TECPR1: variants seen among roughly 807,000 people sequenced by gnomAD.
TECPR1 encodes the protein tectonin beta-propeller repeat containing 1, also known as tectonin beta-propeller repeat-containing protein 1.
In TECPR1, 122 loss-of-function variants were observed where a neutral mutation model predicts 162.4. That is an observed-to-expected ratio of 0.75 (90% CI 0.65 to 0.87). The LOEUF is 0.87. Ranked by LOEUF, TECPR1 falls within the 40% of genes least tolerant of loss-of-function variation. TECPR1 has a pLI of 0.00. For missense variants in TECPR1, 1,432 were observed against 1,618.2 expected (o/e 0.88, Z 1.97); for synonymous variants, 642 against 670.6 (o/e 0.96, Z 0.66).
chr7:98,222,483 G>A lies in TECPR1; in HGVS notation c.2967C>T (p.Phe989=), dbSNP rs1402061811. ...AGCAGGCCCCGATGGAGATGGAGGC[G>A]AAGGGCTGGTCGGTGCCAACGTGCA... The part of the protein sequence containing the change: ...SWLHVGTDQP[F]ASISIGACYQ... The change falls in exon 22 of 26, where the codon TTC becomes TTT. Residue 989 remains phenylalanine (F), a synonymous_variant. Coordinates refer to ENST00000447648, the MANE Select transcript of TECPR1 (RefSeq NM_015395.3). 8.8e-6 allele frequency: 14 copies of A among 1,593,576 alleles called. No homozygotes were observed. The highest frequency in any genetic ancestry group is 5.7e-5 in the South Asian group (5 of 87,680).
rs200214797 is a variant in TECPR1 at position 98,230,973 on chromosome 7, G to T, written c.2270C>A (p.Pro757His). Residue 757 changes from proline to histidine, a missense_variant, in exon 15 of 26, where the codon CCC becomes CAC. Pro to His is a moderately conservative substitution (Grantham distance 77). Coordinates refer to ENST00000447648, the MANE Select transcript of TECPR1 (RefSeq NM_015395.3). Reference sequence around the variant, plus strand: ...GCGGCTCACTCACATCTGGTCGCAGGGCAGGGGGTGCTCGTGGGCCTCCAG... The same window carrying T: ...GCGGCTCACTCACATCTGGTCGCAGTGCAGGGGGTGCTCGTGGGCCTCCAG... ...PDLEAHEHPL[P>H]CDQMFWRQMG... The T allele has an allele frequency of 7.1e-5, 114 of 1,611,986 alleles. No individual in the cohort carries two copies. In the East Asian group the frequency reaches 1.0e-3, roughly 14 times the overall value.
Position 98,236,785 on chromosome 7 carries a change from C to A in TECPR1, c.1172G>T (p.Ser391Ile). 6.3e-7 allele frequency: 1 copy of A among 1,594,448 alleles called. No homozygotes were observed. Among genetic ancestry groups the A allele is most frequent in the African/African-American group, 1.4e-5 (1 of 72,748 alleles). The change falls in exon 10 of 26, where the codon AGT becomes ATT. Residue 391 changes from serine (S) to isoleucine (I), a missense_variant. Transcript: ENST00000447648. ...CDRSHSGSSS[S>I]LLSAGCFFGD... The stretch of plus-strand genomic sequence containing the variant: ...TGCCACCCCCAGTCACCTGAGGAGA[C>A]TAGACGAGCTGCCAGAGTGTGACCG...
At chr7:98,239,509 C>T (rs1269132891) in intron 8 of TECPR1, among the ~76,000 whole-genome samples, 1 of 152,110 alleles carries the variant, frequency 6.6e-6, no homozygotes, top group Non-Finnish European at 1.5e-5. Context: ...GAGCTGAGAT[C>T]GGGCCACGGC....
chr7:98,221,704 C>T lies in TECPR1; in HGVS notation c.3114G>A (p.Gln1038=). 6.2e-7 allele frequency: 1 copy of T among 1,613,612 alleles called. No individual in the cohort carries two copies. Among genetic ancestry groups the T allele is most frequent in the Non-Finnish European group, 8.5e-7 (1 of 1,179,868 alleles). Residue 1038 remains glutamine (Q), a synonymous_variant, in exon 23 of 26, where the codon CAG becomes CAA. Coordinates refer to ENST00000447648, the MANE Select transcript of TECPR1 (RefSeq NM_015395.3). ...ACACCGACGTCTGCCCCGCGGACACCTGCTTCAGCCTCTGTCTCGGTGGGG... is the reference window on the plus strand; with the variant it reads ...ACACCGACGTCTGCCCCGCGGACACTTGCTTCAGCCTCTGTCTCGGTGGGG... ...IPSPPRQRLK[Q]VSAGQTSVYA... is the part of the protein sequence containing the mutation.
intron 13 of TECPR1, 123 bp downstream of exon 13, chr7:98,231,681 C>T (rs1224923986): frequency 2.5e-6 from 3 of 1,183,296 alleles, no homozygotes; most frequent in East Asian, 3.0e-5. Context: ...ATTTCTGTGT[C>T]CCTCCCTGGG....
At chr7:98,239,574 A>G (rs1798694004) in intron 8 of TECPR1, among the ~76,000 whole-genome samples, 1 of 152,150 alleles carries the variant, frequency 6.6e-6, no homozygotes, top group African/African-American at 2.4e-5. Context: ...AATAAAAAAA[A>G]GAAATCCAAT....
rs369426783 is a variant in TECPR1 at position 98,232,932 on chromosome 7, C to T, written c.1713G>A (p.Thr571=). The T allele has an allele frequency of 1.5e-4, 244 of 1,612,572 alleles. No individual in the cohort carries two copies. In the African/African-American group the frequency reaches 2.6e-3, roughly 17 times the overall value. The change falls in exon 12 of 26, where the codon ACG becomes ACA. Residue 571 remains threonine, a synonymous_variant. Transcript: ENST00000447648. This position sits in a 1 kb window ranked among gnomAD's most constrained non-coding sequence, Gnocchi z 4.6. ...SSVHMLSLSI[T]PAQTAAWRKQ... ...TCCTCCAGGCAGCGGTCTGGGCCGG[C>T]GTGATGGACAGGGACAGCATGTGTA...
Position 98,227,683 on chromosome 7 carries a change from G to A in TECPR1, c.2513+331C>T, listed in dbSNP as rs546288423. 3.3e-5 allele frequency among the ~76,000 whole-genome samples: 5 copies of A among 152,016 alleles called. No individual in the cohort carries two copies. The South Asian group carries it at 1.0e-3, about 32-fold the overall frequency. On this transcript the variant is annotated intron_variant, in intron 17 of 25. Coordinates refer to ENST00000447648, the MANE Select transcript of TECPR1 (RefSeq NM_015395.3). ...TAACAATACAAAAAATTTGCCAGGAGTGGTGCCAGGCGCCTGTAATCCCAG... is the reference window on the plus strand; with the variant it reads ...TAACAATACAAAAAATTTGCCAGGAATGGTGCCAGGCGCCTGTAATCCCAG...
chr7:98,235,827 CA>C (rs765569294), intron 10 of TECPR1, among the ~76,000 whole-genome samples: 15 of 36,678 alleles, frequency 4.1e-4, no homozygotes, highest in Non-Finnish European at 6.7e-4. Flanking sequence ...GAGACTGTCT[CA>C]AAAAAAAAAA....
At chr7:98,231,689 G>T in intron 13 of TECPR1, 115 bp downstream of exon 13, 1 of 1,268,054 alleles carries the variant, frequency 7.9e-7, no homozygotes, top group South Asian at 1.5e-5. Context: ...GTCCCTCCCT[G>T]GGCACCCTCA....
intron 19 of TECPR1, 96 bp downstream of exon 19, chr7:98,224,705 G>T: frequency 8.1e-7 from 1 of 1,240,840 alleles, no homozygotes; most frequent in Non-Finnish European, 1.1e-6. Context: ...AGGGGGCAGG[G>T]TTCAGCCTGG....
chr7:98,236,371 T>C (rs576016295), intron 10 of TECPR1, among the ~76,000 whole-genome samples: 7 of 152,290 alleles, frequency 4.6e-5, no homozygotes, highest in African/African-American at 1.7e-4. Flanking sequence ...TGTCTTGTCC[T>C]TGTTTCCCCT....
At chr7:98,235,849 A>AAAAAAAAAAAAAAAAAAAAAAAC in intron 10 of TECPR1, among the ~76,000 whole-genome samples, 3 of 110,258 alleles carry the variant, frequency 2.7e-5, no homozygotes, top group Admixed American at 9.8e-5. Context: ...AAAAAAAAAA[A>AAAAAAAAAAAAAAAAAAAAAAAC]AACACCATCT....
chr7:98,237,922 A>G (rs376182834), intron 9 of TECPR1, among the ~76,000 whole-genome samples: 1 of 151,408 alleles, frequency 6.6e-6, no homozygotes, highest in East Asian at 1.9e-4. Flanking sequence ...ACAGGTGCAC[A>G]CCACCACACT....
At chr7:98,238,807 G>A (rs1177899739) in intron 8 of TECPR1, among the ~76,000 whole-genome samples, 197 bp from the exon 9 acceptor site, 1 of 152,170 alleles carries the variant, frequency 6.6e-6, no homozygotes, top group Non-Finnish European at 1.5e-5. Flanking sequence ...CGCATCTCCT[G>A]TGCCTGGCAC....
chr7:98,243,549 T>C lies in TECPR1; in HGVS notation c.575A>G (p.Asn192Ser), dbSNP rs1798824466. The C allele has an allele frequency of 1.2e-6, 2 of 1,612,434 alleles. No individual in the cohort carries two copies. The highest frequency in any genetic ancestry group is 1.3e-5 in the African/African-American group (1 of 74,980). ...DDPKELPDPF[N>S]DLSVGGWEIT... ...CTCCCAGCCCCCTACAGAGAGGTCG[T>C]TGAAGGGGTCGGGCAGCTCCTTGGG... The change falls in exon 6 of 26, where the codon AAC becomes AGC. Residue 192 changes from asparagine to serine, a missense_variant. By Grantham distance (46) the Asn-to-Ser change is conservative. Transcript: ENST00000447648.
rs950250931 is a variant in TECPR1, at chr7:98,233,563, G to A, written c.1530C>T (p.Thr510=). 4.4e-6 allele frequency: 7 copies of A among 1,597,082 alleles called. No individual in the cohort carries two copies. In the African/African-American group the frequency reaches 6.7e-5, roughly 15 times the overall value. Residue 510 remains threonine, a synonymous_variant, in exon 11 of 26, where the codon ACC becomes ACT. Transcript: ENST00000447648. ...SHSAAGFPET[T]SLSSLGLLPL... is the part of the protein sequence containing the mutation. ...GGAGGAGCCCCAGAGAGGAGAGGCT[G>A]GTGGTCTCGGGGAAGCCAGCGGCCG...
chr7:98,243,504 C>T lies in TECPR1; in HGVS notation c.620G>A (p.Gly207Asp). 2 of 1,612,616 alleles carry T rather than the reference C, an allele frequency of 1.2e-6. No individual in the cohort carries two copies. The highest frequency in any genetic ancestry group is 1.7e-6 in the Non-Finnish European group (2 of 1,179,810). The change falls in exon 6 of 26, where the codon GGC becomes GAC. Residue 207 changes from glycine to aspartate, a missense_variant. Gly to Asp is a moderately conservative substitution (Grantham distance 94). Coordinates refer to ENST00000447648, the MANE Select transcript of TECPR1 (RefSeq NM_015395.3). ...AGACACAGCCCACACTGACAGGCGG[C>T]CCACAGGCTCCTCCGTGATCTCCCA... ...GGWEITEEPV[G>D]RLSVWAVSLQ...
intron 6 of TECPR1, 100 bp downstream of exon 6, chr7:98,243,367 C>T (rs933945282): frequency 6.0e-5 from 85 of 1,405,578 alleles, no homozygotes; most frequent in Non-Finnish European, 7.3e-5. Flanking sequence ...GTGGGGGGGC[C>T]GGGGCTCCGG....
Sources: allele counts gnomAD v4.1 joint callset (sites outside exome capture counted in the v4.1 genomes callset), GRCh38; gene constraint gnomAD v4.1.1; non-coding constraint Gnocchi (gnomAD v3.1); transcripts MANE v1.5; gene names NCBI Gene and HGNC (gene_info 2026-07-23, HGNC 2026-07-21).